The following RAD18 variants were observed in gnomAD, a reference collection of about 807,000 sequenced individuals.
RAD18 encodes RAD18 E3 ubiquitin protein ligase.
Under a neutral mutation model 60.4 loss-of-function variants are expected in RAD18, and 47 were observed. The observed-to-expected ratio is 0.78, with a 90% CI of 0.62 to 0.99. The LOEUF is 0.99. RAD18 is among the 50% of genes least tolerant of loss of function. The pLI is 0.00. For synonymous variants in RAD18, 225 were observed against 195.5 expected (o/e 1.15, Z -1.26); for missense variants, 640 against 593.3 (o/e 1.08, Z -0.82).
intron 7 of RAD18, among the ~76,000 whole-genome samples, chr3:8,920,273 C>T (rs1413001907): frequency 1.1e-4 from 14 of 125,498 alleles, no homozygotes; most frequent in East Asian, 2.3e-4. Context: ...AGCGAGACTC[C>T]GTCTCAAAAA....
intron 9 of RAD18, among the ~76,000 whole-genome samples, chr3:8,906,711 A>G (rs896609412): frequency 7.0e-6 from 1 of 142,724 alleles, no homozygotes; most frequent in Non-Finnish European, 1.5e-5. Context: ...TTTTTTTTTC[A>G]TGGAGGAGAG....
intron 11 of RAD18, among the ~76,000 whole-genome samples, chr3:8,898,172 A>G (rs1374502014): frequency 6.6e-6 from 1 of 152,224 alleles, no homozygotes. Context: ...GAGCTCTAAC[A>G]GAAACTGAAG....
At chr3:8,959,961 G>A (rs1941070088) in intron 1 of RAD18, among the ~76,000 whole-genome samples, 1 of 151,928 alleles carries the variant, frequency 6.6e-6, no homozygotes, top group Non-Finnish European at 1.5e-5. Flanking sequence ...AGGAAATAAG[G>A]TATAGACAGT....
rs1191776685 is a variant in RAD18, at chr3:8,948,651, C to A, written c.134-81G>T. ...ATATGACTTCTAACAAAATCTTAAG[C>A]CCTAGACTATTTCCGTCATCTAAGG... On this transcript the variant is annotated intron_variant, in intron 2 of 12. Transcript: ENST00000264926. 37 of 1,219,960 alleles carry A rather than the reference C, an allele frequency of 3.0e-5. No homozygotes were observed. In the East Asian group the frequency reaches 8.5e-4, roughly 28 times the overall value. 75.6% of individuals were successfully genotyped at this position (1,219,960 alleles called of 1,614,324 possible). A position where few individuals can be genotyped will look rare whatever the true frequency, so the allele number is the denominator to read the frequency against.
chr3:8,939,604 C>G lies in RAD18; in HGVS notation c.654G>C (p.Lys218Asn), dbSNP rs1940711693. 3 of 1,613,038 alleles carry G rather than the reference C, an allele frequency of 1.9e-6. No homozygotes were observed. Among genetic ancestry groups the G allele is most frequent in the Non-Finnish European group, 2.5e-6 (3 of 1,179,386 alleles). Residue 218 changes from lysine to asparagine, a missense_variant, in exon 6 of 13, where the codon AAG (lysine) becomes AAC (asparagine). Coordinates refer to ENST00000264926, the MANE Select transcript of RAD18 (RefSeq NM_020165.4). ...GVNIPESHINKHLDSCLSREE... is the reference protein window; with the variant it reads ...GVNIPESHINNHLDSCLSREE... ...CGCGTGATAAACAGCTGTCTAAATGCTTATTAATGTGACTTTCTGGAATGT... is the reference window on the plus strand; with the variant it reads ...CGCGTGATAAACAGCTGTCTAAATGGTTATTAATGTGACTTTCTGGAATGT...
intron 12 of RAD18, among the ~76,000 whole-genome samples, chr3:8,889,245 T>A (rs912310027): frequency 1.3e-5 from 2 of 152,198 alleles, no homozygotes; most frequent in Non-Finnish European, 2.9e-5. Context: ...CTTTTGACAA[T>A]TAGGTTAGAA....
intron 7 of RAD18, among the ~76,000 whole-genome samples, chr3:8,934,953 C>T (rs940472404): frequency 6.6e-6 from 1 of 152,104 alleles, no homozygotes; most frequent in East Asian, 1.9e-4. Flanking sequence ...TGAGGGCAGG[C>T]ACAAAAGAAT....
At chr3:8,908,983 A>C (rs552549887) in intron 9 of RAD18, among the ~76,000 whole-genome samples, 109 of 152,330 alleles carry the variant, frequency 7.2e-4, no homozygotes, top group African/African-American at 2.4e-3. Context: ...CATAGAAAGA[A>C]AATCTTACCT....
intron 12 of RAD18, among the ~76,000 whole-genome samples, chr3:8,888,520 T>C (rs1334843919): frequency 6.6e-6 from 1 of 152,216 alleles, no homozygotes; most frequent in Non-Finnish European, 1.5e-5. Context: ...AAGCTTAAGA[T>C]GGGTATTTGT....
rs1939410135 is a variant in RAD18 at position 8,878,834 on chromosome 3, T to G, written c.*2523A>C. The G allele has an allele frequency of 6.6e-6, 1 of 152,192 alleles. No homozygotes were observed. Among genetic ancestry groups the G allele is most frequent in the African/African-American group, 2.4e-5 (1 of 41,450 alleles). 9.4% of individuals were successfully genotyped at this position (152,192 alleles called of 1,614,324 possible). On this transcript the variant is annotated 3_prime_UTR_variant, in exon 13 of 13. Transcript: ENST00000264926. ...CTGAGCTGATGTTGATGGGAGATGTTATAACTTTGAGGGGAGTGAGGAGGT... is the reference window on the plus strand; with the variant it reads ...CTGAGCTGATGTTGATGGGAGATGTGATAACTTTGAGGGGAGTGAGGAGGT...
chr3:8,932,153 A>G (rs1280561245), intron 7 of RAD18, among the ~76,000 whole-genome samples: 1 of 152,230 alleles, frequency 6.6e-6, no homozygotes, highest in East Asian at 1.9e-4. Flanking sequence ...ATGATACACA[A>G]GAAGCATAAA....
In RAD18 at chr3:8,877,760, C is replaced by T. The variant is rs756970424; in HGVS notation, c.*3597G>A. ...TTTTGCACATTACTTGACATATAGT[C>T]CTAATAGTTGAAGGAAGGAAGGACA... On this transcript the variant is annotated 3_prime_UTR_variant, in exon 13 of 13. Transcript: ENST00000264926. 6.6e-6 allele frequency: 1 copy of T among 150,682 alleles called. No homozygotes were observed. Among genetic ancestry groups the T allele is most frequent in the African/African-American group, 2.5e-5 (1 of 40,706 alleles). 9.3% of individuals were successfully genotyped at this position (150,682 alleles called of 1,614,324 possible).
At chr3:8,881,548 T>C (rs1317089119) in intron 12 of RAD18, 89 bp from the exon 13 acceptor site, 1 of 1,049,192 alleles carries the variant, frequency 9.5e-7, no homozygotes, top group East Asian at 2.4e-5. Flanking sequence ...CACATATTAT[T>C]TCATTAAAAC....
intron 9 of RAD18, among the ~76,000 whole-genome samples, chr3:8,903,663 C>A (rs978207940): frequency 6.6e-6 from 1 of 152,126 alleles, no homozygotes; most frequent in Non-Finnish European, 1.5e-5. Context: ...GACTTTAGGG[C>A]ATGTATTTGT....
intron 9 of RAD18, among the ~76,000 whole-genome samples, chr3:8,908,807 C>T (rs1940058123): frequency 6.6e-6 from 1 of 152,162 alleles, no homozygotes; most frequent in Non-Finnish European, 1.5e-5. Flanking sequence ...TCCTAAAATA[C>T]TAGAAAGATA....
At chr3:8,935,382 G>A (rs545954164) in intron 7 of RAD18, among the ~76,000 whole-genome samples, 1 of 152,240 alleles carries the variant, frequency 6.6e-6, no homozygotes, top group East Asian at 1.9e-4. Context: ...AATCATAATG[G>A]CAACATTTAC....
rs762932888 is a variant in RAD18 at position 8,963,327 on chromosome 3, G to A, written c.51+8C>T. 22 of 1,609,976 alleles carry A rather than the reference G, an allele frequency of 1.4e-5. No homozygotes were observed. Among genetic ancestry groups the A allele is most frequent in the Middle Eastern group, 3.3e-4 (2 of 6,082 alleles). Reference sequence around the variant, plus strand: ...CCCGGGAGCTCCCAAACTCCCCGAAGCACTCACCTTCATGACTGCCAGGCC... The same window carrying A: ...CCCGGGAGCTCCCAAACTCCCCGAAACACTCACCTTCATGACTGCCAGGCC... On this transcript the variant is annotated splice_region_variant and intron_variant, in intron 1 of 12. Coordinates refer to ENST00000264926, the MANE Select transcript of RAD18 (RefSeq NM_020165.4).
chr3:8,919,851 GGT>G (rs45522537), intron 7 of RAD18, among the ~76,000 whole-genome samples: 107,633 of 151,996 alleles, frequency 0.71, 38,569 homozygotes, highest in Middle Eastern at 0.79. Context: ...AAATAATGGG[GGT>G]GTATGTCATG....
At chr3:8,908,562 T>C (rs1343315139) in intron 9 of RAD18, among the ~76,000 whole-genome samples, 1 of 152,116 alleles carries the variant, frequency 6.6e-6, no homozygotes, top group Non-Finnish European at 1.5e-5. Context: ...CTTAGACTTC[T>C]AGCCTCCAGA....
Sources: allele counts gnomAD v4.1 joint callset (sites outside exome capture counted in the v4.1 genomes callset), GRCh38; gene constraint gnomAD v4.1.1; transcripts MANE v1.5; gene names NCBI Gene and HGNC (gene_info 2026-07-23, HGNC 2026-07-21).